SCGB2B2: variants seen among roughly 807,000 people sequenced by gnomAD.
SCGB2B2 encodes secretoglobin family 2B member 2.
In SCGB2B2, 11 loss-of-function variants were observed where a neutral mutation model predicts 7.6. The ratio of observed to expected loss-of-function variants is 1.45; its 90% CI spans 0.91 to 2.40. The LOEUF (loss-of-function observed/expected upper bound fraction) is 2.40, where lower values mean the gene tolerates loss of function less well. Among genes scored for constraint, SCGB2B2 ranks in the 30% most tolerant of loss-of-function variants. SCGB2B2 has a pLI of 0.00. For synonymous variants in SCGB2B2, 50 were observed against 48.6 expected, an observed-to-expected ratio of 1.03 and a Z score of -0.12; for missense variants, 104 against 115.4, an observed-to-expected ratio of 0.90 and a Z score of 0.45.
At chr19:34,618,193 C>T (rs1600050025) in intron 1 of SCGB2B2, among the ~76,000 whole-genome samples, 1 of 152,296 alleles carries the variant, frequency 6.6e-6, no homozygotes, top group South Asian at 2.1e-4. Context: ...ATTTATAGCC[C>T]TTTGGATTTA....
intron 1 of SCGB2B2, among the ~76,000 whole-genome samples, chr19:34,670,940 T>C (rs1208301448): frequency 6.6e-6 from 1 of 152,208 alleles, no homozygotes; most frequent in Non-Finnish European, 1.5e-5. Flanking sequence ...TTTGTTTGTT[T>C]TGAGATGGAG....
chr19:34,602,844 CA>C (rs1358952304), intron 1 of SCGB2B2, among the ~76,000 whole-genome samples: 1 of 152,170 alleles, frequency 6.6e-6, no homozygotes, highest in Non-Finnish European at 1.5e-5. Flanking sequence ...AGCCAAGAGC[CA>C]TTCATTAAAC....
At chr19:34,645,535 GACACAGACACACAC>G (rs71165676) in intron 1 of SCGB2B2, 72,358 of 137,918 alleles carry the variant, frequency 0.52, 16,293 homozygotes, top group Middle Eastern at 0.66. Flanking sequence ...GACACACACA[GACACAGACACACAC>G]ACACACACAC....
intron 1 of SCGB2B2, among the ~76,000 whole-genome samples, chr19:34,611,916 G>T (rs956407335): frequency 5.4e-4 from 81 of 151,306 alleles, no homozygotes; most frequent in African/African-American, 1.7e-3. Flanking sequence ...GCCTCCCAAA[G>T]TGCTGGGATT....
chr19:34,654,247 A>T (rs2146093120), intron 1 of SCGB2B2, among the ~76,000 whole-genome samples: 1 of 151,462 alleles, frequency 6.6e-6, no homozygotes, highest in East Asian at 1.9e-4. Context: ...TCAACTTAAT[A>T]GGTTAATGAA....
At chr19:34,596,793 A>G (rs1242550388) in intron 1 of SCGB2B2, among the ~76,000 whole-genome samples, 199 bp from the exon 2 acceptor site, 2 of 151,972 alleles carry the variant, frequency 1.3e-5, no homozygotes, top group Non-Finnish European at 2.9e-5. Context: ...GTGGGCTCCA[A>G]GAGGGCCGCA....
At chr19:34,636,406 T>A (rs780143403) in intron 1 of SCGB2B2, among the ~76,000 whole-genome samples, 3 of 152,174 alleles carry the variant, frequency 2.0e-5, no homozygotes, top group Non-Finnish European at 4.4e-5. Context: ...AAGGAGAGGC[T>A]GCATCTCCCT....
At chr19:34,657,732 T>C (rs1162937751) in intron 1 of SCGB2B2, among the ~76,000 whole-genome samples, 1 of 152,176 alleles carries the variant, frequency 6.6e-6, no homozygotes, top group Non-Finnish European at 1.5e-5. Flanking sequence ...AACTCAGCTC[T>C]GCACCAAGCG....
At chr19:34,627,254 A>C (rs1404437583) in intron 1 of SCGB2B2, among the ~76,000 whole-genome samples, 2 of 152,214 alleles carry the variant, frequency 1.3e-5, no homozygotes, top group Admixed American at 1.3e-4. Context: ...ATTCACACAT[A>C]ACAATATTAA....
At chr19:34,654,497 C>T (rs1433929182) in intron 1 of SCGB2B2, among the ~76,000 whole-genome samples, 1 of 151,236 alleles carries the variant, frequency 6.6e-6, no homozygotes, top group South Asian at 2.1e-4. Flanking sequence ...TTAAATTTAA[C>T]AAACATATTA....
At chr19:34,625,108 C>A (rs1449629388) in intron 1 of SCGB2B2, among the ~76,000 whole-genome samples, 2 of 152,262 alleles carry the variant, frequency 1.3e-5, no homozygotes, top group Non-Finnish European at 1.5e-5. Flanking sequence ...CAGTTTGCAG[C>A]AAAACCCTTA....
intron 1 of SCGB2B2, among the ~76,000 whole-genome samples, chr19:34,634,452 C>T (rs943278239): frequency 2.6e-5 from 4 of 152,218 alleles, no homozygotes; most frequent in African/African-American, 9.6e-5. Context: ...TGCAATGCAA[C>T]TCCTGAAAGC....
At chr19:34,608,132 CTCA>C (rs1191104488) in intron 1 of SCGB2B2, among the ~76,000 whole-genome samples, 6 of 151,890 alleles carry the variant, frequency 4.0e-5, no homozygotes, top group African/African-American at 9.7e-5. Flanking sequence ...CTTAATTTTC[CTCA>C]TCGTGTTTTA....
intron 1 of SCGB2B2, among the ~76,000 whole-genome samples, chr19:34,661,253 C>A (rs1039585139): frequency 6.6e-6 from 1 of 151,284 alleles, no homozygotes; most frequent in Admixed American, 6.6e-5. Flanking sequence ...GCACATGTAC[C>A]CTAGAACTCA....
chr19:34,669,451 C>T (rs1469873008), intron 1 of SCGB2B2, among the ~76,000 whole-genome samples: 4 of 152,312 alleles, frequency 2.6e-5, no homozygotes, highest in Middle Eastern at 3.4e-3. Context: ...TGTGCTAGGG[C>T]GTGCCAAGTG....
At chr19:34,598,485 GT>G (rs754622304) in intron 1 of SCGB2B2, among the ~76,000 whole-genome samples, 2 of 151,666 alleles carry the variant, frequency 1.3e-5, no homozygotes, top group Non-Finnish European at 2.9e-5. Flanking sequence ...ATCCCCAGTT[GT>G]TTGAGGAACT....
rs546105788 is a variant in SCGB2B2 at position 34,612,799 on chromosome 19, T to C, written c.-2031-16205A>G. Among the ~76,000 whole-genome samples, 13 of 152,234 alleles carry C rather than the reference T, an allele frequency of 8.5e-5. No homozygotes were observed. The South Asian group carries it at 1.0e-3, about 12-fold the overall frequency. On this transcript the variant is annotated intron_variant, in intron 1 of 3. Coordinates refer to ENST00000601241, the MANE Select transcript of SCGB2B2 (RefSeq NM_001025591.4). Reference sequence around the variant, plus strand: ...TTGTATTGGAGTCTATCTCTCTCCTTAAATCTAATAATATTGGTTTTATAT... The same window carrying C: ...TTGTATTGGAGTCTATCTCTCTCCTCAAATCTAATAATATTGGTTTTATAT...
At chr19:34,620,436 C>G (rs1192232486) in intron 1 of SCGB2B2, among the ~76,000 whole-genome samples, 1 of 145,496 alleles carries the variant, frequency 6.9e-6, no homozygotes, top group East Asian at 2.0e-4. Context: ...GGACAGAAAA[C>G]CAAACACTGC....
chr19:34,658,096 A>G (rs28871304), intron 1 of SCGB2B2, among the ~76,000 whole-genome samples: 14,826 of 152,288 alleles, frequency 0.097, 871 homozygotes, highest in Middle Eastern at 0.23. Context: ...CATTTAAAGC[A>G]GTGTGTAGAG....
Sources: allele counts gnomAD v4.1 joint callset (sites outside exome capture counted in the v4.1 genomes callset), GRCh38; gene constraint gnomAD v4.1.1; transcripts MANE v1.5; gene names NCBI Gene and HGNC (gene_info 2026-07-23, HGNC 2026-07-21).